The following CLSTN2 variants were observed in gnomAD, a reference collection of about 807,000 sequenced individuals.
CLSTN2 encodes the protein calsyntenin 2.
CLSTN2 carries 48 observed loss-of-function variants against 101.2 expected under a neutral mutation model. The ratio of observed to expected loss-of-function variants is 0.47; its 90% CI spans 0.38 to 0.60. The LOEUF (loss-of-function observed/expected upper bound fraction) is 0.60. Ranked by LOEUF, CLSTN2 falls within the 20% of genes least tolerant of loss-of-function variation. The pLI, the probability that CLSTN2 is intolerant of heterozygous loss-of-function variation, is 0.00. For synonymous variants in CLSTN2, 481 were observed against 463.6 expected, an observed-to-expected ratio of 1.04 and a Z score of -0.48; for missense variants, 1,160 against 1,238.2, an observed-to-expected ratio of 0.94 and a Z score of 0.95.
chr3:140,210,564 G>C (rs1489457808), intron 2 of CLSTN2, among the ~76,000 whole-genome samples: 2 of 152,200 alleles, frequency 1.3e-5, no homozygotes, highest in Non-Finnish European at 2.9e-5. Context: ...TATACTGAGG[G>C]AATGTATATA....
At chr3:139,944,781 A>T (rs1453433738) in intron 1 of CLSTN2, among the ~76,000 whole-genome samples, 1 of 152,228 alleles carries the variant, frequency 6.6e-6, no homozygotes, top group African/African-American at 2.4e-5. Context: ...TCCTTTGGTC[A>T]TGGGGAGGAG....
At chr3:140,137,405 G>T (rs1307526616) in intron 1 of CLSTN2, among the ~76,000 whole-genome samples, 2 of 151,992 alleles carry the variant, frequency 1.3e-5, no homozygotes, top group African/African-American at 4.8e-5. Flanking sequence ...CCTCCTCCAT[G>T]AAGCCTTCTT....
chr3:140,542,513 G>A (rs1935501789), intron 9 of CLSTN2, among the ~76,000 whole-genome samples: 1 of 152,126 alleles, frequency 6.6e-6, no homozygotes, highest in Non-Finnish European at 1.5e-5. Flanking sequence ...TGCAGCCCAT[G>A]CAGACACCCT....
At chr3:140,530,966 G>A (rs1049343327) in intron 8 of CLSTN2, among the ~76,000 whole-genome samples, 1 of 152,154 alleles carries the variant, frequency 6.6e-6, no homozygotes, top group Non-Finnish European at 1.5e-5. Flanking sequence ...TACCTCTTTG[G>A]GTTCGGTGCT....
intron 8 of CLSTN2, among the ~76,000 whole-genome samples, chr3:140,530,004 A>G (rs192598131): frequency 6.6e-6 from 1 of 152,326 alleles, no homozygotes; most frequent in Non-Finnish European, 1.5e-5. Context: ...ACCTTTGCAG[A>G]AAAAAACATT....
intron 1 of CLSTN2, among the ~76,000 whole-genome samples, chr3:140,027,038 T>A (rs1346379434): frequency 6.6e-6 from 1 of 152,222 alleles, no homozygotes; most frequent in African/African-American, 2.4e-5. Context: ...GTGAGATTTC[T>A]CTTTAAGCTG....
At chr3:140,371,469 C>A (rs1363623342) in intron 2 of CLSTN2, among the ~76,000 whole-genome samples, 1 of 152,176 alleles carries the variant, frequency 6.6e-6, no homozygotes, top group East Asian at 1.9e-4. Flanking sequence ...CCAACCCTGA[C>A]CTTCCTCAGG....
intron 1 of CLSTN2, among the ~76,000 whole-genome samples, chr3:140,051,794 T>C (rs1437472436): frequency 1.3e-5 from 2 of 152,116 alleles, no homozygotes; most frequent in Non-Finnish European, 2.9e-5. Flanking sequence ...TCCCTCCAGG[T>C]GATTTCAATA....
intron 1 of CLSTN2, among the ~76,000 whole-genome samples, chr3:139,997,706 A>T (rs1450673853): frequency 6.6e-6 from 1 of 152,158 alleles, no homozygotes; most frequent in African/African-American, 2.4e-5. Context: ...TCTTTCAAAT[A>T]CACATTTCAA....
chr3:140,462,006 T>TAATGAAAAAATTCAAGTATAGACAAA (rs147930745), intron 7 of CLSTN2, among the ~76,000 whole-genome samples: 1 of 151,088 alleles, frequency 6.6e-6, no homozygotes, highest in Non-Finnish European at 1.5e-5. Context: ...TTTTTTCAAG[T>TAATGAAAAAATTCAAGTATAGACAAA]CATAAAGCAA....
intron 4 of CLSTN2, among the ~76,000 whole-genome samples, chr3:140,414,380 A>G (rs1020347980): frequency 8.5e-5 from 13 of 152,170 alleles, no homozygotes; most frequent in Non-Finnish European, 1.6e-4. Context: ...TTGATGAAAG[A>G]AAACGTAGAA....
chr3:140,350,701 A>G (rs552951452), intron 2 of CLSTN2, among the ~76,000 whole-genome samples: 1 of 152,204 alleles, frequency 6.6e-6, no homozygotes, highest in Non-Finnish European at 1.5e-5. Context: ...GATGGCATGC[A>G]TGTAATGAGG....
At chr3:140,349,999 T>C (rs916992444) in intron 2 of CLSTN2, among the ~76,000 whole-genome samples, 1 of 152,138 alleles carries the variant, frequency 6.6e-6, no homozygotes, top group Non-Finnish European at 1.5e-5. Context: ...TGGATGACAG[T>C]TTTTGAAACT....
At chr3:140,345,360 T>C (rs935463021) in intron 2 of CLSTN2, among the ~76,000 whole-genome samples, 1 of 151,458 alleles carries the variant, frequency 6.6e-6, no homozygotes, top group Admixed American at 6.6e-5. Context: ...GCGATTCTCC[T>C]GCCTCAGCCT....
At chr3:140,497,348 C>A (rs1934489464) in intron 8 of CLSTN2, among the ~76,000 whole-genome samples, 1 of 152,160 alleles carries the variant, frequency 6.6e-6, no homozygotes, top group Admixed American at 6.5e-5. Context: ...GGAGGCCCCG[C>A]CCAGTCAGGA....
chr3:140,116,865 A>G (rs531533694), intron 1 of CLSTN2, among the ~76,000 whole-genome samples: 1 of 152,336 alleles, frequency 6.6e-6, no homozygotes, highest in East Asian at 1.9e-4. Context: ...TCAGTTAATT[A>G]TCCCACTAGC....
chr3:140,146,108 A>G (rs1209698749), intron 1 of CLSTN2, among the ~76,000 whole-genome samples: 1 of 152,228 alleles, frequency 6.6e-6, no homozygotes, highest in African/African-American at 2.4e-5. Context: ...ATAATTTCCT[A>G]TGGCCCTGCT....
intron 1 of CLSTN2, among the ~76,000 whole-genome samples, chr3:139,972,278 T>C (rs552917565): frequency 2.0e-4 from 31 of 151,836 alleles, no homozygotes; most frequent in Non-Finnish European, 3.4e-4. Context: ...AAAAAAAAGT[T>C]TGATAGGACC....
At chr3:140,017,528 C>T (rs1202196076) in intron 1 of CLSTN2, among the ~76,000 whole-genome samples, 1 of 152,162 alleles carries the variant, frequency 6.6e-6, no homozygotes, top group Non-Finnish European at 1.5e-5. Flanking sequence ...ATGCAAAGTT[C>T]CTTGGGGGCC....
Sources: allele counts gnomAD v4.1 joint callset (sites outside exome capture counted in the v4.1 genomes callset), GRCh38; gene constraint gnomAD v4.1.1; transcripts MANE v1.5; gene names NCBI Gene and HGNC (gene_info 2026-07-23, HGNC 2026-07-21).